Variants in FAF1 observed in about 807,000 individuals in gnomAD.
FAF1 encodes the protein FAS-associated factor 1.
FAF1 carries 25 observed loss-of-function variants against 92.5 expected under a neutral mutation model. The observed-to-expected ratio is 0.27, with a 90% CI of 0.20 to 0.38. The LOEUF is 0.38. Ranked by LOEUF, FAF1 falls within the 10% of genes least tolerant of loss-of-function variation. The pLI, the probability that FAF1 is intolerant of heterozygous loss-of-function variation, is 1.00. For missense variants in FAF1, 636 were observed against 793.3 expected, an observed-to-expected ratio of 0.80 and a Z score of 2.38; for synonymous variants, 234 against 273.2, an observed-to-expected ratio of 0.86 and a Z score of 1.42.
chr1:50,612,301 T>A lies in FAF1; in HGVS notation c.745-16085A>T, dbSNP rs879631154. On this transcript the variant is annotated intron_variant, in intron 8 of 18. Coordinates refer to ENST00000396153, the MANE Select transcript of FAF1 (RefSeq NM_007051.3). The stretch of plus-strand genomic sequence containing the variant: ...ACAAATTCAGAGAATCAAGACGAAA[T>A]CTTCAGTTACAATGAAAAGGTTATT... 4.4e-6 allele frequency: 5 copies of A among 1,125,274 alleles called. No individual in the cohort carries two copies. The African/African-American group carries it at 6.6e-5, about 15-fold the overall frequency. The allele number at this position is 1,125,274 out of a possible 1,614,324, so 69.7% of individuals were successfully genotyped here.
intron 6 of FAF1, among the ~76,000 whole-genome samples, chr1:50,728,323 C>T (rs1658748677): frequency 6.6e-6 from 1 of 152,174 alleles, no homozygotes; most frequent in East Asian, 1.9e-4. Flanking sequence ...TATAAATGCT[C>T]TAAGGTTTAA....
At chr1:50,712,528 C>T (rs1037677060) in intron 6 of FAF1, among the ~76,000 whole-genome samples, 5 of 152,036 alleles carry the variant, frequency 3.3e-5, no homozygotes, top group Admixed American at 6.6e-5. Context: ...TGGTGGCACA[C>T]GCCTCTAATC....
chr1:50,873,223 T>C (rs539396846), intron 1 of FAF1, among the ~76,000 whole-genome samples: 11 of 152,354 alleles, frequency 7.2e-5, no homozygotes, highest in African/African-American at 2.6e-4. Context: ...GGCTACATAA[T>C]AGTGTAAATA....
At chr1:50,932,521 G>C (rs1251071720) in intron 1 of FAF1, among the ~76,000 whole-genome samples, 3 of 152,222 alleles carry the variant, frequency 2.0e-5, no homozygotes, top group Admixed American at 6.5e-5. Flanking sequence ...TGCAAAAGGT[G>C]GGTTCCCATG....
chr1:50,482,994 T>C (rs1646720800), intron 17 of FAF1, among the ~76,000 whole-genome samples: 1 of 152,178 alleles, frequency 6.6e-6, no homozygotes. Context: ...TAAAGTCTAA[T>C]TTACATATTT....
chr1:50,822,147 G>A (rs1644049034), intron 2 of FAF1, among the ~76,000 whole-genome samples: 2 of 150,286 alleles, frequency 1.3e-5, no homozygotes, highest in African/African-American at 2.5e-5. Flanking sequence ...TTTTTTTCCA[G>A]GAGAAAAAAA....
intron 1 of FAF1, among the ~76,000 whole-genome samples, chr1:50,940,961 A>T (rs1365788303): frequency 2.6e-5 from 4 of 152,176 alleles, no homozygotes; most frequent in African/African-American, 7.2e-5. Context: ...AATAAATTTT[A>T]AAAATCACCT....
chr1:50,671,276 G>A (rs928426599), intron 7 of FAF1, among the ~76,000 whole-genome samples: 3 of 151,778 alleles, frequency 2.0e-5, no homozygotes, highest in South Asian at 2.1e-4. Flanking sequence ...ATGTTGGTAC[G>A]AACCTGTAAT....
intron 2 of FAF1, among the ~76,000 whole-genome samples, chr1:50,839,624 C>CGACA (rs1396841857): frequency 6.6e-6 from 1 of 152,124 alleles, no homozygotes; most frequent in Non-Finnish European, 1.5e-5. Context: ...GACTTATGAC[C>CGACA]TGTCAGGTCC....
At chr1:50,637,723 ATG>A (rs1341497157) in intron 8 of FAF1, among the ~76,000 whole-genome samples, 2 of 126,644 alleles carry the variant, frequency 1.6e-5, no homozygotes, top group African/African-American at 5.9e-5. Flanking sequence ...GCGTGTGCAT[ATG>A]TGTGTATACA....
intron 9 of FAF1, among the ~76,000 whole-genome samples, chr1:50,590,236 A>G (rs930914862): frequency 6.6e-6 from 1 of 152,240 alleles, no homozygotes; most frequent in Non-Finnish European, 1.5e-5. Flanking sequence ...GGATTTCTGT[A>G]GACTGCTTTG....
At chr1:50,594,930 G>T (rs762099015) in intron 9 of FAF1, among the ~76,000 whole-genome samples, 2 of 150,520 alleles carry the variant, frequency 1.3e-5, no homozygotes, top group Non-Finnish European at 1.5e-5. Flanking sequence ...GACCCAAATA[G>T]GCACAACACA....
At chr1:50,629,499 G>C (rs1653664327) in intron 8 of FAF1, among the ~76,000 whole-genome samples, 1 of 152,084 alleles carries the variant, frequency 6.6e-6, no homozygotes, top group African/African-American at 2.4e-5. Flanking sequence ...GAAAATCTCT[G>C]ACTGTGCATA....
At chr1:50,617,341 G>A (rs908820715) in intron 8 of FAF1, among the ~76,000 whole-genome samples, 1 of 152,150 alleles carries the variant, frequency 6.6e-6, no homozygotes, top group Admixed American at 6.5e-5. Flanking sequence ...CATCTGTTGA[G>A]GGTTTTTATC....
chr1:50,672,069 G>A (rs184425448), intron 7 of FAF1, among the ~76,000 whole-genome samples: 116 of 142,958 alleles, frequency 8.1e-4, no homozygotes, highest in African/African-American at 2.7e-3. Context: ...TTTTTGAGAC[G>A]GAGTCTTGCT....
intron 7 of FAF1, among the ~76,000 whole-genome samples, chr1:50,664,852 G>A (rs1277763531): frequency 6.6e-6 from 1 of 152,172 alleles, no homozygotes; most frequent in Non-Finnish European, 1.5e-5. Context: ...TCGTAGGCTA[G>A]CTGAAACAAG....
intron 13 of FAF1, among the ~76,000 whole-genome samples, chr1:50,549,947 G>A (rs181389796): frequency 2.7e-4 from 41 of 152,224 alleles, no homozygotes; most frequent in Admixed American, 1.0e-3. Context: ...TATATAAAAT[G>A]TTTCAGCATC....
intron 2 of FAF1, among the ~76,000 whole-genome samples, chr1:50,820,540 C>T (rs186654037): frequency 1.3e-5 from 2 of 152,046 alleles, no homozygotes; most frequent in Admixed American, 1.3e-4. Context: ...TAGCAAATTT[C>T]GAGACGTAAA....
chr1:50,800,631 C>T (rs531564766), intron 3 of FAF1, among the ~76,000 whole-genome samples: 16 of 152,280 alleles, frequency 1.1e-4, no homozygotes, highest in African/African-American at 3.4e-4. Context: ...TAAAAACCAT[C>T]AACCATTAAA....
Sources: gnomAD v4.1 joint callset for allele counts (sites outside exome capture counted in the v4.1 genomes callset) on GRCh38, gnomAD v4.1.1 for gene constraint, MANE v1.5 for transcripts, NCBI Gene and HGNC (gene_info 2026-07-23, HGNC 2026-07-21) for gene names.